Variants in PPP6R3 observed in about 807,000 individuals in gnomAD.
The protein encoded by PPP6R3 is serine/threonine-protein phosphatase 6 regulatory subunit 3.
A neutral mutation model predicts 110.7 loss-of-function variants in PPP6R3; 38 were observed. The ratio of observed to expected loss-of-function variants is 0.34; its 90% CI spans 0.26 to 0.45. PPP6R3 has a LOEUF of 0.45. Ranked by LOEUF, PPP6R3 falls within the 20% of genes least tolerant of loss-of-function variation. The pLI is 1.00. For missense variants in PPP6R3, 870 were observed against 1,062.4 expected, an observed-to-expected ratio of 0.82 and a Z score of 2.52; for synonymous variants, 369 against 373.5, an observed-to-expected ratio of 0.99 and a Z score of 0.14.
Position 68,548,109 on chromosome 11 carries a change from A to G in PPP6R3, c.457A>G (p.Ile153Val), listed in dbSNP as rs768876542. Residue 153 changes from isoleucine (I) to valine (V), a missense_variant, in exon 5 of 24, where the codon ATT becomes GTT. By Grantham distance (29) the Ile-to-Val change is conservative. Coordinates refer to ENST00000393800, the MANE Select transcript of PPP6R3 (RefSeq NM_001164161.2). ...LKKKHDFVDL[I>V]IKHIGTSAIM... ...GAAGAAGCATGATTTTGTAGACCTT[A>G]TTATAAAGCACATAGGAACTTCTGC... The G allele has an allele frequency of 9.5e-5, 154 of 1,613,772 alleles. 1 individual carries two copies. Among genetic ancestry groups the G allele is most frequent in the Non-Finnish European group, 1.1e-4 (131 of 1,179,756 alleles).
intron 1 of PPP6R3, among the ~76,000 whole-genome samples, chr11:68,495,708 A>G (rs1208398279): frequency 6.6e-6 from 1 of 152,158 alleles, no homozygotes; most frequent in East Asian, 1.9e-4. Flanking sequence ...TGTGGGGAAT[A>G]TTACCTTTTA....
intron 8 of PPP6R3, among the ~76,000 whole-genome samples, chr11:68,560,877 C>G (rs554964951): frequency 6.7e-6 from 1 of 148,582 alleles, no homozygotes; most frequent in East Asian, 2.0e-4. Flanking sequence ...TTTAAATCAT[C>G]TCTGGTTTCC....
At chr11:68,513,024 C>A (rs1162096799) in intron 1 of PPP6R3, among the ~76,000 whole-genome samples, 1 of 152,122 alleles carries the variant, frequency 6.6e-6, no homozygotes, top group Non-Finnish European at 1.5e-5. Context: ...TGTGAGAAAT[C>A]CAGGGTTGCC....
chr11:68,514,608 G>C (rs934615544), intron 1 of PPP6R3, among the ~76,000 whole-genome samples: 1 of 151,280 alleles, frequency 6.6e-6, no homozygotes, highest in African/African-American at 2.4e-5. Context: ...TTTTTGAGAC[G>C]GAGTCTTGCT....
chr11:68,494,235 A>G (rs2099001766), intron 1 of PPP6R3, among the ~76,000 whole-genome samples: 1 of 150,458 alleles, frequency 6.6e-6, no homozygotes, highest in African/African-American at 2.4e-5. Flanking sequence ...GCCTGTATCA[A>G]AACATCATGG....
At chr11:68,461,317 C>T (rs1299497215) in intron 1 of PPP6R3, among the ~76,000 whole-genome samples, 1 of 152,132 alleles carries the variant, frequency 6.6e-6, no homozygotes, top group East Asian at 1.9e-4. Flanking sequence ...CATTGTTGGA[C>T]TCTGCTCTTC....
chr11:68,592,338 TTG>T (rs2099598040), intron 18 of PPP6R3, among the ~76,000 whole-genome samples: 1 of 152,234 alleles, frequency 6.6e-6, no homozygotes, highest in African/African-American at 2.4e-5. Flanking sequence ...ATTTCATTTA[TTG>T]TTACTCATTT....
At chr11:68,603,518 T>C (rs1424030549) in intron 22 of PPP6R3, 26 bp downstream of exon 22, 1 of 1,613,822 alleles carries the variant, frequency 6.2e-7, no homozygotes, top group South Asian at 1.1e-5. Flanking sequence ...ATCCTGCTGG[T>C]AGCTTCAGGT....
chr11:68,605,247 C>T (rs1041104728), intron 22 of PPP6R3, among the ~76,000 whole-genome samples: 5 of 152,008 alleles, frequency 3.3e-5, no homozygotes, highest in African/African-American at 7.3e-5. Context: ...GTGCTGAAGT[C>T]GAGGCTGCAG....
intron 2 of PPP6R3, among the ~76,000 whole-genome samples, chr11:68,521,761 C>T (rs943665997): frequency 6.6e-6 from 1 of 152,172 alleles, no homozygotes; most frequent in African/African-American, 2.4e-5. Context: ...CAATTTTTTA[C>T]AGGCTTTGTT....
At chr11:68,603,236 T>A in intron 21 of PPP6R3, 106 bp from the exon 22 acceptor site, 1 of 1,422,172 alleles carries the variant, frequency 7.0e-7, no homozygotes, top group Non-Finnish European at 9.5e-7. Flanking sequence ...CTCTTTTTTT[T>A]CTTCAAGCAG....
At chr11:68,557,152 C>T (rs547449814) in intron 7 of PPP6R3, among the ~76,000 whole-genome samples, 2 of 152,184 alleles carry the variant, frequency 1.3e-5, no homozygotes, top group Non-Finnish European at 2.9e-5. Context: ...AGTTTGTTTT[C>T]CAGAGCTTGG....
chr11:68,558,685 C>T lies in PPP6R3; in HGVS notation c.845+6C>T. ...CTTGAGACACGACGACCAACGTAAG[C>T]TTTTCTTATATCTTACAAAATGAAC... On this transcript the variant is annotated splice_donor_region_variant and intron_variant, in intron 8 of 23. Coordinates refer to ENST00000393800, the MANE Select transcript of PPP6R3 (RefSeq NM_001164161.2). 1 of 1,585,440 alleles carries T rather than the reference C, an allele frequency of 6.3e-7. No homozygotes were observed.
chr11:68,588,857 A>G (rs2099587075), intron 16 of PPP6R3, among the ~76,000 whole-genome samples: 1 of 152,072 alleles, frequency 6.6e-6, no homozygotes, highest in African/African-American at 2.4e-5. Context: ...ACTTTTAGGA[A>G]TTCAAGTCAC....
At position 68,613,519 on chromosome 11, in the gene PPP6R3, G is replaced by A. The variant is rs1023499845; in HGVS notation, c.*402G>A. The A allele has an allele frequency of 2.2e-5, 22 of 988,010 alleles. No individual in the cohort carries two copies. Among genetic ancestry groups the A allele is most frequent in the Admixed American group, 1.8e-4 (3 of 16,304 alleles). The allele number at this position is 988,010 out of a possible 1,614,324, so 61.2% of individuals were successfully genotyped here. ...TATTAGTGTGACCAAAGTATTAGGC[G>A]GTTTTCATACATTTTTCACCTTGTA... On this transcript the variant is annotated 3_prime_UTR_variant, in exon 24 of 24. Coordinates refer to ENST00000393800, the MANE Select transcript of PPP6R3 (RefSeq NM_001164161.2).
chr11:68,472,393 C>A (rs2098798479), intron 1 of PPP6R3, among the ~76,000 whole-genome samples: 1 of 152,126 alleles, frequency 6.6e-6, no homozygotes, highest in Non-Finnish European at 1.5e-5. Flanking sequence ...AGGAACGCTG[C>A]CTTAAACAAG....
rs151243884 is a variant in PPP6R3 at position 68,543,991 on chromosome 11, C to T, written c.228-847C>T. On this transcript the variant is annotated intron_variant, in intron 3 of 23. Coordinates refer to ENST00000393800, the MANE Select transcript of PPP6R3 (RefSeq NM_001164161.2). ...ATAGAGCAGGTGTCATGTTCTTAGC[C>T]GTGGGCCTTCTACAGGAGAGACAGC... Among the ~76,000 whole-genome samples, 25 of 152,236 alleles carry T rather than the reference C, an allele frequency of 1.6e-4. No homozygotes were observed. In the East Asian group the frequency reaches 3.1e-3, roughly 19 times the overall value.
intron 1 of PPP6R3, among the ~76,000 whole-genome samples, chr11:68,476,087 G>C (rs1170463341): frequency 6.6e-6 from 1 of 152,000 alleles, no homozygotes. Flanking sequence ...CTGCAATCTC[G>C]GCACTTTGGG....
At chr11:68,513,762 A>G (rs1396233997) in intron 1 of PPP6R3, among the ~76,000 whole-genome samples, 1 of 152,182 alleles carries the variant, frequency 6.6e-6, no homozygotes, top group African/African-American at 2.4e-5. Flanking sequence ...TTTTTGTTTT[A>G]TGCGTTTTTT....
Sources: gnomAD v4.1 joint callset for allele counts (sites outside exome capture counted in the v4.1 genomes callset) on GRCh38, gnomAD v4.1.1 for gene constraint, MANE v1.5 for transcripts, NCBI Gene and HGNC (gene_info 2026-07-23, HGNC 2026-07-21) for gene names.